Variants in PCDH11X observed in about 807,000 individuals in gnomAD.
PCDH11X encodes the protein protocadherin-11 X-linked.
A neutral mutation model predicts 53.3 loss-of-function variants in PCDH11X; 18 were observed. The ratio of observed to expected loss-of-function variants is 0.34; its 90% CI spans 0.23 to 0.50. PCDH11X has a LOEUF of 0.50. PCDH11X is among the 20% of genes least tolerant of loss of function. The probability of loss-of-function intolerance (pLI) is 0.98; values close to 1 mark genes in which losing one functional copy is unlikely to be tolerated. For synonymous variants in PCDH11X, 279 were observed against 393.3 expected (o/e 0.71, Z 3.44); for missense variants, 570 against 1,032.4 (o/e 0.55, Z 6.14).
At chrX:92,217,994 T>C (rs1458565416) in intron 7 of PCDH11X, among the ~76,000 whole-genome samples, 1 of 108,181 alleles carries the variant, frequency 9.2e-6, no homozygotes, top group Non-Finnish European at 1.9e-5. Context: ...AAAGATGTTC[T>C]TTGAAACCAA....
chrX:92,285,811 A>AG (rs2068356804), intron 8 of PCDH11X, among the ~76,000 whole-genome samples: 1 of 111,540 alleles, frequency 9.0e-6, no homozygotes, highest in African/African-American at 3.3e-5. Context: ...GTGGGAAATC[A>AG]GGGGGCTGAC....
chrX:92,075,267 T>C (rs2063757870), intron 6 of PCDH11X, among the ~76,000 whole-genome samples: 1 of 111,032 alleles, frequency 9.0e-6, no homozygotes, highest in African/African-American at 3.3e-5. Flanking sequence ...CTGAAACTTT[T>C]AGTGTTCAGG....
intron 6 of PCDH11X, among the ~76,000 whole-genome samples, chrX:92,092,048 G>A (rs2064057566): frequency 9.0e-6 from 1 of 111,172 alleles, no homozygotes; most frequent in Admixed American, 9.7e-5. Flanking sequence ...TTATTCCCGA[G>A]TCAGATTGGA....
At chrX:91,922,876 G>A (rs961134945) in intron 6 of PCDH11X, among the ~76,000 whole-genome samples, 1 of 110,505 alleles carries the variant, frequency 9.0e-6, no homozygotes, top group African/African-American at 3.3e-5. Flanking sequence ...CCAACCCTTG[G>A]CAAAAGCAAT....
intron 6 of PCDH11X, among the ~76,000 whole-genome samples, chrX:92,084,121 A>T (rs1569345404): frequency 9.0e-6 from 1 of 110,809 alleles, no homozygotes; most frequent in East Asian, 2.8e-4. Context: ...ACAACAAACA[A>T]AAAAGGATCT....
At chrX:92,235,471 G>A (rs2067152307) in intron 7 of PCDH11X, among the ~76,000 whole-genome samples, 1 of 111,144 alleles carries the variant, frequency 9.0e-6, no homozygotes, top group African/African-American at 3.3e-5. Context: ...AAACTCGAAA[G>A]CCCACTCTCT....
intron 10 of PCDH11X, among the ~76,000 whole-genome samples, chrX:92,536,968 G>A (rs2074670630): frequency 9.0e-6 from 1 of 110,897 alleles, no homozygotes; most frequent in Non-Finnish European, 1.9e-5. Flanking sequence ...ATTTTCACAT[G>A]CCTGTTTGCC....
intron 10 of PCDH11X, among the ~76,000 whole-genome samples, chrX:92,472,972 C>A (rs2073299288): frequency 9.2e-6 from 1 of 108,500 alleles, no homozygotes; most frequent in Admixed American, 9.9e-5. Context: ...GATTTTGTGT[C>A]CTGAGACTTT....
intron 9 of PCDH11X, among the ~76,000 whole-genome samples, chrX:92,463,169 T>A (rs1162544033): frequency 9.0e-6 from 1 of 110,545 alleles, no homozygotes; most frequent in Non-Finnish European, 1.9e-5. Flanking sequence ...ATATTCTATT[T>A]CTCTTAAGGA....
chrX:92,280,361 C>T (rs1306821446), intron 8 of PCDH11X, among the ~76,000 whole-genome samples: 1 of 109,799 alleles, frequency 9.1e-6, no homozygotes, highest in Non-Finnish European at 1.9e-5. Context: ...CCAGCCTGAC[C>T]AACATGGTGC....
chrX:92,088,996 C>T (rs1391878827), intron 6 of PCDH11X, among the ~76,000 whole-genome samples: 2 of 108,384 alleles, frequency 1.8e-5, no homozygotes, highest in Non-Finnish European at 3.8e-5. Flanking sequence ...TGAAATTGTT[C>T]TTGGGATGTA....
chrX:92,037,813 G>T (rs2208905), intron 6 of PCDH11X, among the ~76,000 whole-genome samples: 36,439 of 108,070 alleles, frequency 0.34, 6,105 homozygotes, highest in African/African-American at 0.6. Context: ...AGGGTTTTTT[G>T]TGTATGTTTG....
chrX:92,039,052 T>C (rs2063171987), intron 6 of PCDH11X, among the ~76,000 whole-genome samples: 1 of 111,967 alleles, frequency 8.9e-6, no homozygotes, highest in Admixed American at 9.5e-5. Flanking sequence ...CCAAGCCCAA[T>C]ACTACTGTCA....
intron 10 of PCDH11X, among the ~76,000 whole-genome samples, chrX:92,529,093 C>T (rs971767542): frequency 1.8e-5 from 2 of 111,280 alleles, no homozygotes; most frequent in African/African-American, 6.5e-5. Context: ...TGGAAAGTTG[C>T]CATTTTTATG....
intron 10 of PCDH11X, among the ~76,000 whole-genome samples, chrX:92,598,463 T>G (rs1257801261): frequency 9.1e-6 from 1 of 109,651 alleles, no homozygotes; most frequent in African/African-American, 3.4e-5. Flanking sequence ...ACAATATCAT[T>G]GATTATCAGA....
intron 6 of PCDH11X, among the ~76,000 whole-genome samples, chrX:92,190,206 T>A (rs1020600152): frequency 1.8e-5 from 2 of 111,772 alleles, no homozygotes; most frequent in Non-Finnish European, 3.8e-5. Context: ...GTTTTACATA[T>A]AAGTCTTTAA....
At chrX:92,036,955 G>A (rs1046625396) in intron 6 of PCDH11X, among the ~76,000 whole-genome samples, 10 of 111,553 alleles carry the variant, frequency 9.0e-5, no homozygotes, top group Admixed American at 3.8e-4. Flanking sequence ...GGGGACTGGC[G>A]GTATTTTGCC....
chrX:92,121,981 GTTTTTTTT>G (rs746833949), intron 6 of PCDH11X, among the ~76,000 whole-genome samples: 3 of 69,459 alleles, frequency 4.3e-5, no homozygotes, highest in African/African-American at 1.6e-4. Flanking sequence ...AGTCATTTCT[GTTTTTTTT>G]TTTTTTTTTT....
chrX:92,082,179 G>T (rs1403005035), intron 6 of PCDH11X, among the ~76,000 whole-genome samples: 1 of 110,057 alleles, frequency 9.1e-6, no homozygotes, highest in East Asian at 2.9e-4. Flanking sequence ...GATGTAGAGA[G>T]AAATAAAATT....
Sources: gnomAD v4.1 joint callset for allele counts (sites outside exome capture counted in the v4.1 genomes callset) on GRCh38, gnomAD v4.1.1 for gene constraint, MANE v1.5 for transcripts, NCBI Gene and HGNC (gene_info 2026-07-23, HGNC 2026-07-21) for gene names.